WIPF3: variants seen among roughly 807,000 people sequenced by gnomAD.
WIPF3 encodes the protein WAS/WASL-interacting protein family member 3.
WIPF3 carries 33 observed loss-of-function variants against 38.9 expected under a neutral mutation model. That is an observed-to-expected ratio of 0.85 (90% CI 0.64 to 1.14). The LOEUF is 1.14. Ranked by LOEUF, WIPF3 falls within the 50% of genes most tolerant of loss-of-function variation. WIPF3 has a pLI of 0.00. For synonymous variants in WIPF3, 324 were observed against 269.3 expected (o/e 1.20, Z -1.99); for missense variants, 711 against 652.5 (o/e 1.09, Z -0.98).
intron 8 of WIPF3, among the ~76,000 whole-genome samples, chr7:29,913,067 C>A (rs1786533504): frequency 6.6e-6 from 1 of 151,604 alleles, no homozygotes; most frequent in Non-Finnish European, 1.5e-5. Context: ...TACTAGTCAG[C>A]TGGGTGTGGT....
Position 29,901,518 on chromosome 7 carries a change from C to T in WIPF3, c.1352-2768C>T, listed in dbSNP as rs576115860. Among the ~76,000 whole-genome samples the T allele has an allele frequency of 4.0e-5, 6 of 151,080 alleles. No individual in the cohort carries two copies. In the East Asian group the frequency reaches 5.9e-4, roughly 15 times the overall value. On this transcript the variant is annotated intron_variant, in intron 7 of 8. Transcript: ENST00000242140. ...GAAAACCAGTGGGAAGAGCCAGGTG[C>T]GATGGCTCATGTCTATAATCCCGAC... is the stretch of plus-strand genomic sequence containing the variant.
intron 2 of WIPF3, among the ~76,000 whole-genome samples, chr7:29,862,052 C>T (rs1179382985): frequency 2.6e-5 from 4 of 152,180 alleles, no homozygotes; most frequent in African/African-American, 4.8e-5. Context: ...CATGCAGTAG[C>T]GGGAAGCCCT....
chr7:29,913,057 T>A (rs113008488), intron 8 of WIPF3, among the ~76,000 whole-genome samples: 1,622 of 152,136 alleles, frequency 0.011, 32 homozygotes, highest in East Asian at 0.058. Flanking sequence ...TAAAAATGAT[T>A]ACTAGTCAGC....
In WIPF3 at chr7:29,883,872, T is replaced by G; in HGVS notation, c.378T>G (p.Pro126=). ...DVAGGKTGQG[P]GSRAPSPRLP... The stretch of plus-strand genomic sequence containing the variant: ...CAGGTGGCAAGACAGGGCAGGGCCC[T>G]GGCTCCCGCGCGCCCTCTCCCAGGC... The change falls in exon 5 of 9, where the codon CCT becomes CCG. Residue 126 remains proline, a synonymous_variant. Coordinates refer to ENST00000242140, the MANE Select transcript of WIPF3 (RefSeq NM_001080529.3). 6.4e-7 allele frequency: 1 copy of G among 1,564,452 alleles called. No homozygotes were observed. Among genetic ancestry groups the G allele is most frequent in the Non-Finnish European group, 8.7e-7 (1 of 1,151,566 alleles).
chr7:29,866,656 T>C (rs949288895), intron 2 of WIPF3, among the ~76,000 whole-genome samples: 1 of 152,280 alleles, frequency 6.6e-6, no homozygotes, highest in Non-Finnish European at 1.5e-5. Context: ...TTTCTGGCTC[T>C]GGCAAAAGCC....
intron 5 of WIPF3, among the ~76,000 whole-genome samples, chr7:29,887,167 C>A (rs898392293): frequency 6.6e-6 from 1 of 152,130 alleles, no homozygotes; most frequent in Non-Finnish European, 1.5e-5. Context: ...TCATATCTGC[C>A]CTTCTTGTTT....
chr7:29,912,677 C>T, intron 8 of WIPF3: 1 of 176,054 alleles, frequency 5.7e-6, no homozygotes, highest in Non-Finnish European at 1.3e-5. Context: ...ACTCAAGTAT[C>T]ATAGATAGAT....
At chr7:29,896,201 G>A (rs1786140156) in intron 7 of WIPF3, among the ~76,000 whole-genome samples, 1 of 151,144 alleles carries the variant, frequency 6.6e-6, no homozygotes. Context: ...CTCAGCTGCT[G>A]GGGAGGCTCA....
At chr7:29,876,840 C>T (rs756604885) in intron 3 of WIPF3, among the ~76,000 whole-genome samples, 2 of 152,140 alleles carry the variant, frequency 1.3e-5, no homozygotes, top group Admixed American at 6.5e-5. Flanking sequence ...TCAGGTCAGA[C>T]GACCCACATT....
chr7:29,859,865 A>G (rs1393869297), intron 2 of WIPF3, among the ~76,000 whole-genome samples: 2 of 152,168 alleles, frequency 1.3e-5, no homozygotes, highest in Non-Finnish European at 2.9e-5. Context: ...TCCCTGAGAG[A>G]GCCTTCATAG....
chr7:29,888,063 G>A lies in WIPF3; in HGVS notation c.1100-5G>A. 6.2e-7 allele frequency: 1 copy of A among 1,613,860 alleles called. No individual in the cohort carries two copies. Among genetic ancestry groups the A allele is most frequent in the Non-Finnish European group, 8.5e-7 (1 of 1,179,822 alleles). Reference sequence around the variant, plus strand: ...TTCTGAGTACACCATCATCTTCTCTGTAAGGGGCCGGTGGGGGAAAGCTAA... The same window carrying A: ...TTCTGAGTACACCATCATCTTCTCTATAAGGGGCCGGTGGGGGAAAGCTAA... On this transcript the variant is annotated splice_region_variant and splice_polypyrimidine_tract_variant and intron_variant, in intron 5 of 8. Coordinates refer to ENST00000242140, the MANE Select transcript of WIPF3 (RefSeq NM_001080529.3).
chr7:29,872,699 G>A (rs1785517416), intron 2 of WIPF3, among the ~76,000 whole-genome samples: 1 of 150,552 alleles, frequency 6.6e-6, no homozygotes, highest in African/African-American at 2.5e-5. Context: ...GGGAGGCTGA[G>A]GCAGGAGAAT....
At chr7:29,888,498 T>TGTGC (rs1357945489) in intron 6 of WIPF3, among the ~76,000 whole-genome samples, 1 of 38,570 alleles carries the variant, frequency 2.6e-5, no homozygotes, top group Admixed American at 3.2e-4. Flanking sequence ...TGTGTGCGTG[T>TGTGC]GCGTGTGTGT....
intron 2 of WIPF3, among the ~76,000 whole-genome samples, chr7:29,848,853 T>A (rs529051863): frequency 4.6e-5 from 7 of 152,260 alleles, no homozygotes; most frequent in East Asian, 1.9e-4. Context: ...TGGATGATGA[T>A]GCCTGGAGGC....
At chr7:29,914,450 G>A (rs1247432260) in intron 8 of WIPF3, 43 bp from the exon 9 acceptor site, 3 of 1,454,564 alleles carry the variant, frequency 2.1e-6, no homozygotes. Context: ...ATGTGCAAGA[G>A]TCTTCTAACT....
intron 2 of WIPF3, among the ~76,000 whole-genome samples, chr7:29,874,007 T>C (rs535242900): frequency 6.6e-6 from 1 of 152,226 alleles, no homozygotes; most frequent in East Asian, 1.9e-4. Context: ...TCCTCTAAGG[T>C]CTCATGTCTT....
chr7:29,853,405 A>G (rs1162491781), intron 2 of WIPF3, among the ~76,000 whole-genome samples: 1 of 152,218 alleles, frequency 6.6e-6, no homozygotes, highest in Non-Finnish European at 1.5e-5. Flanking sequence ...GGACAGGTTC[A>G]TAGGGGAAGA....
intron 8 of WIPF3, among the ~76,000 whole-genome samples, chr7:29,907,913 CA>C (rs1287414046): frequency 6.6e-6 from 1 of 151,758 alleles, no homozygotes; most frequent in African/African-American, 2.4e-5. Flanking sequence ...CATTTCACTA[CA>C]AAAAAAGTCA....
chr7:29,903,732 CTT>C (rs994866860), intron 7 of WIPF3, among the ~76,000 whole-genome samples: 1 of 151,926 alleles, frequency 6.6e-6, no homozygotes, highest in Non-Finnish European at 1.5e-5. Context: ...AAACATCAAA[CTT>C]TTAGCCATGG....
Sources: allele counts gnomAD v4.1 joint callset (sites outside exome capture counted in the v4.1 genomes callset), GRCh38; gene constraint gnomAD v4.1.1; transcripts MANE v1.5; gene names NCBI Gene and HGNC (gene_info 2026-07-23, HGNC 2026-07-21).